The following POLR1B variants were observed in gnomAD, a reference collection of about 807,000 sequenced individuals.
POLR1B encodes the protein DNA-directed RNA polymerase I subunit RPA2.
POLR1B carries 30 observed loss-of-function variants against 105.8 expected under a neutral mutation model. The observed-to-expected ratio is 0.28, with a 90% CI of 0.21 to 0.38. The LOEUF is 0.38. Among genes scored for constraint, POLR1B ranks in the 10% least tolerant of loss-of-function variants. The pLI, the probability that POLR1B is intolerant of heterozygous loss-of-function variation, is 1.00. For synonymous variants in POLR1B, 485 were observed against 505.1 expected, an observed-to-expected ratio of 0.96 and a Z score of 0.53; for missense variants, 976 against 1,435.8, an observed-to-expected ratio of 0.68 and a Z score of 5.17.
At position 112,572,707 on chromosome 2, in the gene POLR1B, T is replaced by C. The variant is rs1684655980; in HGVS notation, c.2220T>C (p.Asn740=). The change falls in exon 13 of 15, where the codon AAT becomes AAC. Residue 740 remains asparagine, a synonymous_variant. Transcript: ENST00000263331. ...TGGATAACTATCCAATTGGGACCAA[T>C]GCCATCGTTGCTGTGATTTCTTACA... ...YDMDNYPIGT[N]AIVAVISYTG... The C allele has an allele frequency of 6.2e-7, 1 of 1,612,108 alleles. No homozygotes were observed. Among genetic ancestry groups the C allele is most frequent in the Non-Finnish European group, 8.5e-7 (1 of 1,179,190 alleles).
intron 8 of POLR1B, 106 bp downstream of exon 8, chr2:112,558,187 T>G (rs1483345083): frequency 2.3e-6 from 2 of 874,104 alleles, no homozygotes; most frequent in African/African-American, 1.7e-5. Context: ...ACGAAAAAAG[T>G]AAATTTCTCA....
At chr2:112,569,280 C>G (rs549200170) in intron 12 of POLR1B, among the ~76,000 whole-genome samples, 2 of 152,336 alleles carry the variant, frequency 1.3e-5, no homozygotes, top group Non-Finnish European at 2.9e-5. Context: ...TTCATTCCTG[C>G]TGCAAGATTC....
chr2:112,560,154 C>T (rs1009152352), intron 9 of POLR1B, among the ~76,000 whole-genome samples: 4 of 151,774 alleles, frequency 2.6e-5, no homozygotes, highest in Non-Finnish European at 5.9e-5. Context: ...AAGTGAGGAT[C>T]GCTTGAGCCC....
Position 112,551,728 on chromosome 2 carries a change from T to A in POLR1B, c.763-47T>A, listed in dbSNP as rs747318746. 26 of 1,433,038 alleles carry A rather than the reference T, an allele frequency of 1.8e-5. No homozygotes were observed. In the Admixed American group the frequency reaches 5.2e-4, roughly 29 times the overall value. The allele number at this position is 1,433,038 out of a possible 1,614,324, so 88.8% of individuals were successfully genotyped here. A position where few individuals can be genotyped will look rare whatever the true frequency, so the allele number is the denominator to read the frequency against. Reference sequence around the variant, plus strand: ...GATAATTATTAGTGAATAGATAAAGTATTTTAGTTATTAGTGAGCAATTAA... The same window carrying A: ...GATAATTATTAGTGAATAGATAAAGAATTTTAGTTATTAGTGAGCAATTAA... On this transcript the variant is annotated intron_variant, in intron 5 of 14. Transcript: ENST00000263331.
At chr2:112,544,826 C>T (rs1284107851) in intron 1 of POLR1B, among the ~76,000 whole-genome samples, 5 of 152,182 alleles carry the variant, frequency 3.3e-5, no homozygotes, top group Non-Finnish European at 7.3e-5. Flanking sequence ...TTCCTCCTTT[C>T]TGTGAGTCAG....
At chr2:112,569,913 T>A (rs1002064305) in intron 12 of POLR1B, among the ~76,000 whole-genome samples, 4 of 152,112 alleles carry the variant, frequency 2.6e-5, no homozygotes, top group African/African-American at 7.2e-5. Flanking sequence ...CTGTCATTAT[T>A]TTTAAAAACA....
chr2:112,571,121 T>C (rs371225953), intron 12 of POLR1B, among the ~76,000 whole-genome samples: 2 of 152,162 alleles, frequency 1.3e-5, no homozygotes, highest in African/African-American at 2.4e-5. Flanking sequence ...TCTCTAAGAT[T>C]TCTTATCTTC....
Position 112,573,833 on chromosome 2 carries a change from A to C in POLR1B, c.2525+18A>C. On this transcript the variant is annotated intron_variant, in intron 14 of 14. Transcript: ENST00000263331. ...TACTATAAGTAAGTTTGGGTATCCA[A>C]GCTGTTTTGTTTTTGTTTTTGTTTT... The C allele has an allele frequency of 6.2e-7, 1 of 1,606,912 alleles. No individual in the cohort carries two copies. Among genetic ancestry groups the C allele is most frequent in the Non-Finnish European group, 8.5e-7 (1 of 1,175,190 alleles).
At chr2:112,565,757 C>T (rs1210788101) in intron 10 of POLR1B, among the ~76,000 whole-genome samples, 1 of 151,926 alleles carries the variant, frequency 6.6e-6, no homozygotes, top group Non-Finnish European at 1.5e-5. Flanking sequence ...GTTATGGAGG[C>T]TTTATTACAT....
intron 9 of POLR1B, among the ~76,000 whole-genome samples, chr2:112,562,211 G>A (rs989393545): frequency 6.6e-6 from 1 of 152,138 alleles, no homozygotes; most frequent in South Asian, 2.1e-4. Context: ...TATTAATTTT[G>A]TGGTTACAGA....
At chr2:112,547,915 G>A (rs1346145515) in intron 3 of POLR1B, among the ~76,000 whole-genome samples, 1 of 151,558 alleles carries the variant, frequency 6.6e-6, no homozygotes, top group African/African-American at 2.4e-5. Context: ...TGGGCATGGT[G>A]GTGGCATGGA....
intron 12 of POLR1B, among the ~76,000 whole-genome samples, chr2:112,570,796 T>C (rs1038167658): frequency 1.2e-5 from 1 of 83,300 alleles, no homozygotes; most frequent in African/African-American, 4.7e-5. Context: ...TTTTTTTTTT[T>C]GAGACAGGGT....
intron 10 of POLR1B, among the ~76,000 whole-genome samples, chr2:112,564,768 T>TG (rs1278296722): frequency 6.6e-6 from 1 of 152,200 alleles, no homozygotes; most frequent in Non-Finnish European, 1.5e-5. Flanking sequence ...TAATTTTAAC[T>TG]TTTTTCCCCC....
At chr2:112,569,898 C>G (rs1480577184) in intron 12 of POLR1B, among the ~76,000 whole-genome samples, 1 of 151,900 alleles carries the variant, frequency 6.6e-6, no homozygotes, top group Non-Finnish European at 1.5e-5. Context: ...AATTGCTAAA[C>G]TCTTCTGTCA....
Position 112,573,712 on chromosome 2 carries a change from G to A in POLR1B, c.2422G>A (p.Asp808Asn), listed in dbSNP as rs776184989. The change falls in exon 14 of 15, where the codon GAT (aspartate) becomes AAT (asparagine). Residue 808 changes from aspartate to asparagine, a missense_variant. Physicochemically the swap from Asp to Asn is conservative, Grantham distance 23. Transcript: ENST00000263331. ...TGACCCACGCGTTCTGCAGAAGTTA[G>A]ATGACGATGGATTGCCGTTTATAGG... is the stretch of plus-strand genomic sequence containing the variant. ...PGDPRVLQKL[D>N]DDGLPFIGAK... 1 of 1,614,236 alleles carries A rather than the reference G, an allele frequency of 6.2e-7. No individual in the cohort carries two copies. Among genetic ancestry groups the A allele is most frequent in the Non-Finnish European group, 8.5e-7 (1 of 1,180,050 alleles).
At chr2:112,558,934 A>T (rs1437246299) in intron 8 of POLR1B, among the ~76,000 whole-genome samples, 20 of 109,996 alleles carry the variant, frequency 1.8e-4, no homozygotes, top group African/African-American at 4.9e-4. Flanking sequence ...TTTTTTTTTT[A>T]AACCCATGTT....
At chr2:112,557,773 G>A in intron 7 of POLR1B, 137 bp from the exon 8 acceptor site, 1 of 405,808 alleles carries the variant, frequency 2.5e-6, no homozygotes, top group Admixed American at 4.7e-5. Flanking sequence ...TGTAGACAGG[G>A]TTTTGTTTCA....
intron 4 of POLR1B, 76 bp from the exon 5 acceptor site, chr2:112,550,790 A>G (rs111580816): frequency 6.7e-7 from 1 of 1,485,884 alleles, no homozygotes; most frequent in Non-Finnish European, 9.3e-7. Flanking sequence ...AGAGGTTAAG[A>G]TTGTTCAGAA....
upstream of POLR1B, chr2:112,542,347 C>G (rs773024198): frequency 1.3e-6 from 2 of 1,558,290 alleles, no homozygotes; most frequent in Non-Finnish European, 1.7e-6. Context: ...AAACCGAAAC[C>G]GCAGGGCCTA....
Sources: gnomAD v4.1 joint callset for allele counts (sites outside exome capture counted in the v4.1 genomes callset) on GRCh38, gnomAD v4.1.1 for gene constraint, MANE v1.5 for transcripts, NCBI Gene and HGNC (gene_info 2026-07-23, HGNC 2026-07-21) for gene names.